NIBAN2: variants seen among roughly 807,000 people sequenced by gnomAD.
NIBAN2 encodes the protein protein Niban 2.
NIBAN2 carries 36 observed loss-of-function variants against 81.8 expected under a neutral mutation model. The observed-to-expected ratio is 0.44, with a 90% confidence interval of 0.34 to 0.58. The LOEUF (loss-of-function observed/expected upper bound fraction) is 0.58, where lower values mean the gene tolerates loss of function less well. NIBAN2 is among the 20% of genes least tolerant of loss of function. The pLI, the probability that NIBAN2 is intolerant of heterozygous loss-of-function variation, is 0.02. For missense variants in NIBAN2, 897 were observed against 1,014.1 expected, an observed-to-expected ratio of 0.88 and a Z score of 1.57; for synonymous variants, 445 against 441.6, an observed-to-expected ratio of 1.01 and a Z score of -0.10.
intron 1 of NIBAN2, among the ~76,000 whole-genome samples, chr9:127,548,053 C>T (rs7850578): frequency 0.31 from 46,673 of 151,658 alleles, 9,472 homozygotes; most frequent in African/African-American, 0.56. Flanking sequence ...TGGCATCTCT[C>T]ATCAGTGCTC....
chr9:127,507,548 G>A lies in NIBAN2; in HGVS notation c.1655-117C>T. 1 of 943,982 alleles carries A rather than the reference G, an allele frequency of 1.1e-6. No homozygotes were observed. The highest frequency in any genetic ancestry group is 2.7e-5 in the East Asian group (1 of 37,494). 58.5% of individuals were successfully genotyped at this position (943,982 alleles called of 1,614,324 possible). A position where few individuals can be genotyped will look rare whatever the true frequency, so the allele number is the denominator to read the frequency against. On this transcript the variant is annotated intron_variant, in intron 13 of 13. Coordinates refer to ENST00000373312, the MANE Select transcript of NIBAN2 (RefSeq NM_022833.4). The surrounding 1 kb of genome is among the most constrained non-coding windows in gnomAD (Gnocchi z 6.8). ...CGCCTTGGGGGTCTGTGGTTGGGAT[G>A]TGACTCATTCCAGGCCTCGTTGCTG...
chr9:127,549,413 C>A (rs1837534568), intron 1 of NIBAN2, among the ~76,000 whole-genome samples: 1 of 152,090 alleles, frequency 6.6e-6, no homozygotes, highest in Non-Finnish European at 1.5e-5. Context: ...ACATGCACGC[C>A]CACACGCATG....
chr9:127,548,318 GC>G (rs1225897853), intron 1 of NIBAN2, among the ~76,000 whole-genome samples: 1 of 152,138 alleles, frequency 6.6e-6, no homozygotes, highest in African/African-American at 2.4e-5. Context: ...ACCGACCACA[GC>G]CCCCCTGCTC....
intron 1 of NIBAN2, among the ~76,000 whole-genome samples, chr9:127,566,387 C>T (rs1004671076): frequency 6.6e-6 from 1 of 152,168 alleles, no homozygotes; most frequent in Admixed American, 6.5e-5. Context: ...CGGCACACTG[C>T]CTCGTGTAAG....
chr9:127,517,869 T>G lies in NIBAN2; in HGVS notation c.662A>C (p.Glu221Ala). 1 of 1,613,836 alleles carries G rather than the reference T, an allele frequency of 6.2e-7. No individual in the cohort carries two copies. The highest frequency in any genetic ancestry group is 8.5e-7 in the Non-Finnish European group (1 of 1,179,924). ...CAGCATCTCCCAGGTGCCGTACAGC[T>G]CCTTGGACTGTCGGTACATGCGGAT... Reference protein sequence around the residue: ...DAIRMYRQSKELYGTWEMLCG... With the variant: ...DAIRMYRQSKALYGTWEMLCG... The change falls in exon 6 of 14, where the codon GAG (glutamate) becomes GCG (alanine). Residue 221 changes from glutamate (E) to alanine (A), a missense_variant. By Grantham distance (107) the Glu-to-Ala change is moderately radical. This residue lies in a region of NIBAN2 where 69 missense variants were observed against 114.7 expected (regional missense o/e 0.60). Transcript: ENST00000373312. This position sits in a 1 kb window ranked among gnomAD's most constrained non-coding sequence, Gnocchi z 4.0.
At chr9:127,571,382 A>G (rs1196429783), upstream of NIBAN2, among the ~76,000 whole-genome samples, 1 of 152,098 alleles carries the variant, frequency 6.6e-6, no homozygotes, top group African/African-American at 2.4e-5. Context: ...ATGGCCTCAT[A>G]TGTGAGAGGC....
In NIBAN2 at chr9:127,532,088, A is replaced by T. The variant is rs552814220; in HGVS notation, c.56-310T>A. On this transcript the variant is annotated intron_variant, in intron 1 of 13. Transcript: ENST00000373312. ...CACACTGGTGGGGACATGCAAAAAC[A>T]GGCCATGTCACTCAGAGCTGGGGGC... Among the ~76,000 whole-genome samples, 11 of 152,312 alleles carry T rather than the reference A, an allele frequency of 7.2e-5. No individual in the cohort carries two copies. In the East Asian group the frequency reaches 1.9e-3, roughly 27 times the overall value.
chr9:127,518,514 G>C lies in NIBAN2; in HGVS notation c.590-573C>G, dbSNP rs111835064. 2.6e-5 allele frequency among the ~76,000 whole-genome samples: 4 copies of C among 152,338 alleles called. 1 individual carries two copies. The highest frequency in any genetic ancestry group is 9.6e-5 in the African/African-American group (4 of 41,576). ...CGCAATGCTCGCCTCTACAGTCACA[G>C]CACAAAAACAGCCACGGACCATCCA... On this transcript the variant is annotated intron_variant, in intron 5 of 13. Coordinates refer to ENST00000373312, the MANE Select transcript of NIBAN2 (RefSeq NM_022833.4).
At chr9:127,510,917 T>C (rs1014122500) in intron 8 of NIBAN2, among the ~76,000 whole-genome samples, 1 of 152,208 alleles carries the variant, frequency 6.6e-6, no homozygotes, top group Non-Finnish European at 1.5e-5. Context: ...CACTGCAGGC[T>C]TGTTCCATGG....
upstream of NIBAN2, among the ~76,000 whole-genome samples, chr9:127,569,657 T>C (rs1837923608): frequency 6.6e-6 from 1 of 151,608 alleles, no homozygotes; most frequent in Admixed American, 6.6e-5. Flanking sequence ...CTGCCCGCGC[T>C]CAGGAAGTTC....
rs1265390723 is a variant in NIBAN2 at position 127,563,346 on chromosome 9, G to A, written c.55+5474C>T. ...CACTTCGCCCCCAGGGGCTGACCCGGACCTTGGCTAAGGGCAGCGGCCCAG... is the reference window on the plus strand; with the variant it reads ...CACTTCGCCCCCAGGGGCTGACCCGAACCTTGGCTAAGGGCAGCGGCCCAG... On this transcript the variant is annotated intron_variant, in intron 1 of 13. Transcript: ENST00000373312. The surrounding 1 kb of genome is among the most constrained non-coding windows in gnomAD (Gnocchi z 4.1). Among the ~76,000 whole-genome samples the A allele has an allele frequency of 6.6e-6, 1 of 152,240 alleles. No homozygotes were observed. The highest frequency in any genetic ancestry group is 2.4e-5 in the African/African-American group (1 of 41,470).
In NIBAN2 at chr9:127,514,889, C is replaced by T. The variant is rs138797775; in HGVS notation, c.973+1968G>A. Among the ~76,000 whole-genome samples, 333 of 152,318 alleles carry T rather than the reference C, an allele frequency of 2.2e-3. 3 individuals are homozygous for T. The East Asian group carries it at 0.042, about 19-fold the overall frequency. ...AAAGAATAACCTACAGGAGACCAGG[C>T]ACGGCCACTCATGCCTGTAATCCCA... On this transcript the variant is annotated intron_variant, in intron 8 of 13. Coordinates refer to ENST00000373312, the MANE Select transcript of NIBAN2 (RefSeq NM_022833.4).
intron 1 of NIBAN2, among the ~76,000 whole-genome samples, chr9:127,539,549 C>G (rs559467249): frequency 5.9e-5 from 9 of 152,220 alleles, no homozygotes; most frequent in Admixed American, 2.0e-4. Context: ...ATCCGACCCA[C>G]TGGAGCCTTA....
intron 4 of NIBAN2, chr9:127,524,776 C>A: frequency 3.1e-6 from 1 of 325,024 alleles, no homozygotes; most frequent in Non-Finnish European, 5.7e-6. Flanking sequence ...GGAATTTCAG[C>A]CAAGGTGAAG....
At chr9:127,558,396 T>G (rs1837713658) in intron 1 of NIBAN2, among the ~76,000 whole-genome samples, 2 of 152,148 alleles carry the variant, frequency 1.3e-5, no homozygotes, top group African/African-American at 4.8e-5. Flanking sequence ...GGCCCTGGGT[T>G]CCAGCCAAGC....
chr9:127,512,861 C>T (rs1189209191), intron 8 of NIBAN2, among the ~76,000 whole-genome samples: 5 of 152,202 alleles, frequency 3.3e-5, no homozygotes, highest in Admixed American at 6.5e-5. Flanking sequence ...AGCAATCCCA[C>T]TGCTGGGTAT....
chr9:127,578,480 C>T (rs1015539463), intron 1 of NIBAN2, among the ~76,000 whole-genome samples: 1 of 151,172 alleles, frequency 6.6e-6, no homozygotes, highest in African/African-American at 2.4e-5. Context: ...TGGCCAACAT[C>T]GTGAAACCGT....
chr9:127,520,482 C>A (rs969220030), intron 5 of NIBAN2, among the ~76,000 whole-genome samples: 2 of 152,070 alleles, frequency 1.3e-5, no homozygotes, highest in African/African-American at 4.8e-5. Flanking sequence ...AAGAGATCCA[C>A]CCACCTCAGC....
intron 1 of NIBAN2, among the ~76,000 whole-genome samples, chr9:127,568,041 C>T (rs1837888754): frequency 6.6e-6 from 1 of 152,166 alleles, no homozygotes; most frequent in African/African-American, 2.4e-5. Flanking sequence ...GGAACCCAGG[C>T]CCCCTCTGCA....
Sources: gnomAD v4.1 joint callset for allele counts (sites outside exome capture counted in the v4.1 genomes callset) on GRCh38, gnomAD v4.1.1 for gene constraint, gnomAD v4.1.1 regional missense constraint, Gnocchi (gnomAD v3.1) non-coding constraint, MANE v1.5 for transcripts, NCBI Gene and HGNC (gene_info 2026-07-23, HGNC 2026-07-21) for gene names.